The following USP3 variants were observed in gnomAD, a reference collection of about 807,000 sequenced individuals.
USP3 encodes the protein ubiquitin specific peptidase 3, also known as ubiquitin carboxyl-terminal hydrolase 3.
Under a neutral mutation model 72.3 loss-of-function variants are expected in USP3, and 20 were observed. The ratio of observed to expected loss-of-function variants is 0.28; its 90% CI spans 0.19 to 0.40. USP3 has a LOEUF of 0.40. USP3 is among the 10% of genes least tolerant of loss of function. The probability of loss-of-function intolerance (pLI) is 1.00; values close to 1 mark genes in which losing one functional copy is unlikely to be tolerated. For synonymous variants in USP3, 222 were observed against 225.3 expected, an observed-to-expected ratio of 0.99 and a Z score of 0.13; for missense variants, 479 against 633.9, an observed-to-expected ratio of 0.76 and a Z score of 2.62.
At chr15:63,557,482 C>G (rs944486121) in intron 5 of USP3, among the ~76,000 whole-genome samples, 2 of 152,108 alleles carry the variant, frequency 1.3e-5, no homozygotes, top group Non-Finnish European at 1.5e-5. Context: ...AGGCTGGTCT[C>G]GAACTCCTGA....
chr15:63,540,703 A>G (rs1484174923), intron 3 of USP3, among the ~76,000 whole-genome samples: 1 of 152,210 alleles, frequency 6.6e-6, no homozygotes, highest in Admixed American at 6.5e-5. Flanking sequence ...TTAACCAGGC[A>G]GAACAATATA....
rs1355885546 is a variant in USP3 at position 63,563,027 on chromosome 15, T to C, written c.761+19T>C. On this transcript the variant is annotated intron_variant, in intron 8 of 14. Transcript: ENST00000380324. ...ACTTTAGGTAAGTATTATATGAAGA[T>C]ATTTTTAAACATTAATATTAGTGTT... The C allele has an allele frequency of 1.3e-6, 2 of 1,539,520 alleles. No homozygotes were observed. Among genetic ancestry groups the C allele is most frequent in the Non-Finnish European group, 8.9e-7 (1 of 1,124,806 alleles).
chr15:63,551,956 T>C (rs2066443787), intron 3 of USP3: 4 of 152,242 alleles, frequency 2.6e-5, no homozygotes. Flanking sequence ...CTTCATGTTA[T>C]ACCAGAAAGG....
intron 3 of USP3, among the ~76,000 whole-genome samples, chr15:63,548,389 G>A (rs147765574): frequency 0.023 from 3,454 of 151,390 alleles, 123 homozygotes; most frequent in African/African-American, 0.077. Flanking sequence ...GCAGTAGCAC[G>A]ATCTCAGCTT....
chr15:63,532,769 T>A (rs1286517232), intron 2 of USP3, 62 bp downstream of exon 2: 31 of 1,544,330 alleles, frequency 2.0e-5, no homozygotes, highest in Non-Finnish European at 2.7e-5. Context: ...CTTTAAGCTT[T>A]ATGTCAGAGT....
intron 11 of USP3, chr15:63,586,775 T>C (rs530658243): frequency 5.3e-5 from 8 of 152,212 alleles, no homozygotes; most frequent in Non-Finnish European, 1.0e-4. Context: ...AATGTAGTAT[T>C]TGTGGGAAAT....
Position 63,593,648 on chromosome 15 carries a change from T to G in USP3, c.*2822T>G, listed in dbSNP as rs2067243754. 1 of 152,244 alleles carries G rather than the reference T, an allele frequency of 6.6e-6. No individual in the cohort carries two copies. The highest frequency in any genetic ancestry group is 1.5e-5 in the Non-Finnish European group (1 of 68,042). 9.4% of individuals were successfully genotyped at this position (152,244 alleles called of 1,614,324 possible). A position where few individuals can be genotyped will look rare whatever the true frequency, so the allele number is the denominator to read the frequency against. On this transcript the variant is annotated 3_prime_UTR_variant, in exon 15 of 15. Coordinates refer to ENST00000380324, the MANE Select transcript of USP3 (RefSeq NM_006537.4). Reference sequence around the variant, plus strand: ...AACGTTTGAATGGTGTGAAGATTCTTTAGAAAAGTGATTGGATCCATCTCA... The same window carrying G: ...AACGTTTGAATGGTGTGAAGATTCTGTAGAAAAGTGATTGGATCCATCTCA...
At chr15:63,530,754 A>G (rs2066061711) in intron 1 of USP3, among the ~76,000 whole-genome samples, 1 of 152,218 alleles carries the variant, frequency 6.6e-6, no homozygotes, top group South Asian at 2.1e-4. Context: ...TTTATTTTGT[A>G]AGATACATTT....
At chr15:63,520,554 ATTTTTTTTTTTT>A (rs35244583) in intron 1 of USP3, among the ~76,000 whole-genome samples, 7 of 105,424 alleles carry the variant, frequency 6.6e-5, no homozygotes, top group Non-Finnish European at 1.1e-4. Context: ...TCTGTTTTAG[ATTTTTTTTTTTT>A]TTTTTTTTTT....
intron 11 of USP3, among the ~76,000 whole-genome samples, chr15:63,579,971 T>C (rs1463363794): frequency 1.3e-5 from 2 of 152,202 alleles, no homozygotes; most frequent in African/African-American, 4.8e-5. Context: ...GAGGTAGTGA[T>C]CACCATTTTT....
intron 1 of USP3, among the ~76,000 whole-genome samples, chr15:63,511,287 CTTTAT>C (rs1020601744): frequency 6.4e-5 from 1 of 15,650 alleles, no homozygotes; most frequent in African/African-American, 1.6e-4. Context: ...AAAAAAGAGT[CTTTAT>C]TTTGTTATTC....
rs1412711801 is a variant in USP3 at position 63,574,987 on chromosome 15, T to C, written c.1096+584T>C. 6.6e-6 allele frequency among the ~76,000 whole-genome samples: 1 copy of C among 152,164 alleles called. No individual in the cohort carries two copies. The highest frequency in any genetic ancestry group is 1.5e-5 in the Non-Finnish European group (1 of 68,004). On this transcript the variant is annotated intron_variant, in intron 11 of 14. Transcript: ENST00000380324. This position sits in a 1 kb window ranked among gnomAD's most constrained non-coding sequence, Gnocchi z 4.6. ...GTGTACAGACAGGTCACAATTAAAATGACTAATTGTTCTTGCTAGTTATAT... is the reference window on the plus strand; with the variant it reads ...GTGTACAGACAGGTCACAATTAAAACGACTAATTGTTCTTGCTAGTTATAT...
chr15:63,547,293 C>T (rs2066343515), intron 3 of USP3, among the ~76,000 whole-genome samples: 3 of 151,912 alleles, frequency 2.0e-5, no homozygotes, highest in Non-Finnish European at 4.4e-5. Context: ...AGTAGAAAAA[C>T]GAAAGTTACA....
intron 11 of USP3, among the ~76,000 whole-genome samples, chr15:63,577,814 A>G (rs1447629298): frequency 6.6e-6 from 1 of 152,022 alleles, no homozygotes; most frequent in Non-Finnish European, 1.5e-5. Context: ...CTATAATCCC[A>G]GCTTCTTGGG....
rs139639201 is a variant in USP3, at chr15:63,588,763, C to T, written c.1277C>T (p.Thr426Ile). ...WTAYLRNKVD[T>I]YVEFPLRGLD... ...GCATATTTAAGAAATAAAGTTGATACATACGTAGAATTTCCACTGAGAGGC... is the reference window on the plus strand; with the variant it reads ...GCATATTTAAGAAATAAAGTTGATATATACGTAGAATTTCCACTGAGAGGC... The change falls in exon 13 of 15, where the codon ACA (threonine) becomes ATA (isoleucine). Residue 426 changes from threonine (T) to isoleucine (I), a missense_variant. Physicochemically the swap from Thr to Ile is moderately conservative, Grantham distance 89. Transcript: ENST00000380324. This position sits in a 1 kb window ranked among gnomAD's most constrained non-coding sequence, Gnocchi z 4.6. 9.3e-5 allele frequency: 150 copies of T among 1,614,176 alleles called. No homozygotes were observed. Among genetic ancestry groups the T allele is most frequent in the Middle Eastern group, 8.3e-4 (5 of 6,060 alleles).
intron 1 of USP3, among the ~76,000 whole-genome samples, chr15:63,512,477 C>T (rs977920458): frequency 6.7e-6 from 1 of 150,040 alleles, no homozygotes; most frequent in Admixed American, 6.6e-5. Context: ...TTCGGAATCT[C>T]ACTCTTTGGC....
At position 63,544,954 on chromosome 15, in the gene USP3, C is replaced by G. The variant is rs1160994548; in HGVS notation, c.284+7798C>G. The stretch of plus-strand genomic sequence containing the variant: ...AAAAAGATGTACCAAAGGAAATAAC[C>G]AAAGTATAGAAAAGAATGTTCTTTG... On this transcript the variant is annotated intron_variant, in intron 3 of 14. Transcript: ENST00000380324. The surrounding 1 kb of genome is among the most constrained non-coding windows in gnomAD (Gnocchi z 4.2). 6.6e-6 allele frequency among the ~76,000 whole-genome samples: 1 copy of G among 151,830 alleles called. No individual in the cohort carries two copies. Among genetic ancestry groups the G allele is most frequent in the Non-Finnish European group, 1.5e-5 (1 of 67,946 alleles).
chr15:63,504,852 C>G (rs748567216), intron 1 of USP3, 22 bp downstream of exon 1: 1 of 1,563,890 alleles, frequency 6.4e-7, no homozygotes, highest in East Asian at 2.5e-5. Context: ...CACGGGCCGG[C>G]CCCGCAGCGC....
At chr15:63,558,378 T>C (rs1049815372) in intron 6 of USP3, among the ~76,000 whole-genome samples, 190 bp downstream of exon 6, 2 of 152,166 alleles carry the variant, frequency 1.3e-5, no homozygotes, top group Admixed American at 6.5e-5. Flanking sequence ...GTTGGGAAGA[T>C]TGAATAATGT....
Sources: allele counts gnomAD v4.1 joint callset (sites outside exome capture counted in the v4.1 genomes callset), GRCh38; gene constraint gnomAD v4.1.1; non-coding constraint Gnocchi (gnomAD v3.1); transcripts MANE v1.5; gene names NCBI Gene and HGNC (gene_info 2026-07-23, HGNC 2026-07-21).